The following SDF4 variants were observed in gnomAD, a reference collection of about 807,000 sequenced individuals.
SDF4 encodes the protein 45 kDa calcium-binding protein.
A neutral mutation model predicts 34.2 loss-of-function variants in SDF4; 22 were observed. The observed-to-expected ratio is 0.64, with a 90% CI of 0.46 to 0.92. SDF4 has a LOEUF of 0.92. Ranked by LOEUF, SDF4 falls within the 40% of genes least tolerant of loss-of-function variation. SDF4 has a pLI of 0.00. For missense variants in SDF4, 447 were observed against 499.9 expected (o/e 0.89, Z 1.01); for synonymous variants, 236 against 203.1 (o/e 1.16, Z -1.38).
At position 1,217,504 on chromosome 1, in the gene SDF4, C is replaced by G; in HGVS notation, c.*8G>C. On this transcript the variant is annotated 3_prime_UTR_variant, in exon 7 of 7. Transcript: ENST00000360001. The surrounding 1 kb of genome is among the most constrained non-coding windows in gnomAD (Gnocchi z 8.5). ...GCGTGGGGGGCGGCGCGGGGCGCGG[C>G]CGGGCGCTCAAAACTCCTCGTGCAC... 6.4e-7 allele frequency: 1 copy of G among 1,565,128 alleles called. No homozygotes were observed. Among genetic ancestry groups the G allele is most frequent in the South Asian group, 1.2e-5 (1 of 85,650 alleles).
intron 3 of SDF4, 46 bp downstream of exon 3, chr1:1,223,786 G>GCCCCCCCCC: frequency 8.5e-6 from 5 of 585,240 alleles, no homozygotes; most frequent in South Asian, 2.1e-5. Context: ...CCATGGCCCT[G>GCCCCCCCCC]CCCGCCCCGC....
At position 1,223,360 on chromosome 1, in the gene SDF4, G is replaced by A; in HGVS notation, c.443-3C>T. ...ATACTCGTCCCAAGACACGTGACCT[G>A]GAAGAGCAGATCACACCTGTCAGGG... On this transcript the variant is annotated splice_polypyrimidine_tract_variant and splice_region_variant and intron_variant, in intron 3 of 6. Transcript: ENST00000360001. 1 of 1,600,558 alleles carries A rather than the reference G, an allele frequency of 6.2e-7. No homozygotes were observed. Among genetic ancestry groups the A allele is most frequent in the Non-Finnish European group, 8.5e-7 (1 of 1,170,008 alleles).
rs765508018 is a variant in SDF4, at chr1:1,223,856, G to A, written c.418C>T (p.Arg140Cys). 52 of 1,548,284 alleles carry A rather than the reference G, an allele frequency of 3.4e-5. No homozygotes were observed. Among genetic ancestry groups the A allele is most frequent in the East Asian group, 2.2e-4 (9 of 40,554 alleles). The stretch of plus-strand genomic sequence containing the variant: ...CCGTCCCCGTCAGGGTCCACGGCGC[G>A]GAAGTGTGTCTTGCTCTCCTCCATG... ...EAMEESKTHF[R>C]AVDPDGDGHV... is the part of the protein sequence containing the mutation. Residue 140 changes from arginine to cysteine, a missense_variant, in exon 3 of 7, where the codon CGC (arginine) becomes TGC (cysteine). Arg to Cys is a radical substitution (Grantham distance 180). Coordinates refer to ENST00000360001, the MANE Select transcript of SDF4 (RefSeq NM_016176.6).
rs778838028 is a variant in SDF4 at position 1,218,914 on chromosome 1, C to T, written c.570G>A (p.Leu190=). The change falls in exon 5 of 7, where the codon CTG becomes CTA. Residue 190 remains leucine, a synonymous_variant. Coordinates refer to ENST00000360001, the MANE Select transcript of SDF4 (RefSeq NM_016176.6). The surrounding 1 kb of genome is among the most constrained non-coding windows in gnomAD (Gnocchi z 7.9). ...GGTACCAGCGGTCCTTCAGGTTCTC[C>T]AGGACTTCCTGTGCTGAGAGGGGCG... ...LKVDEETQEV[L]ENLKDRWYQA... The T allele has an allele frequency of 2.1e-5, 33 of 1,604,620 alleles. No homozygotes were observed. Among genetic ancestry groups the T allele is most frequent in the Middle Eastern group, 3.3e-4 (2 of 6,046 alleles).
In SDF4 at chr1:1,220,883, G is replaced by A. The variant is rs376618174; in HGVS notation, c.557-1956C>T. ...CTTAAAGACGCAGTCAGGACAGCAG[G>A]GAACGCGGGACCGGGGTGGAGGCAC... On this transcript the variant is annotated intron_variant, in intron 4 of 6. Coordinates refer to ENST00000360001, the MANE Select transcript of SDF4 (RefSeq NM_016176.6). 3 of 637,396 alleles carry A rather than the reference G, an allele frequency of 4.7e-6. No homozygotes were observed. The Admixed American group carries it at 7.6e-5, about 16-fold the overall frequency. The allele number at this position is 637,396 out of a possible 1,614,324, so 39.5% of individuals were successfully genotyped here.
intron 2 of SDF4, among the ~76,000 whole-genome samples, chr1:1,227,548 G>A (rs1257705676): frequency 6.6e-6 from 1 of 152,194 alleles, no homozygotes; most frequent in Non-Finnish European, 1.5e-5. Flanking sequence ...AGGAGGCCCA[G>A]GGTGTTCTCT....
intron 4 of SDF4, chr1:1,220,699 T>A: frequency 1.6e-6 from 2 of 1,289,188 alleles, no homozygotes; most frequent in Non-Finnish European, 2.0e-6. Flanking sequence ...CACAGAAATG[T>A]CACAGAGCTC....
chr1:1,225,711 C>A (rs1314403913), intron 2 of SDF4, among the ~76,000 whole-genome samples: 1 of 152,012 alleles, frequency 6.6e-6, no homozygotes, highest in Non-Finnish European at 1.5e-5. Context: ...ACAGGCCACA[C>A]GCTCCACACG....
intron 4 of SDF4, chr1:1,221,039 T>C (rs2100972064): frequency 2.9e-6 from 1 of 342,600 alleles, no homozygotes; most frequent in Admixed American, 3.9e-5. Context: ...CAGATCCCTT[T>C]AGCCCAGGAC....
chr1:1,224,768 G>A (rs940755104), intron 2 of SDF4, among the ~76,000 whole-genome samples: 2 of 152,140 alleles, frequency 1.3e-5, no homozygotes, highest in South Asian at 2.1e-4. Flanking sequence ...ACGAAAATTC[G>A]CCAGGCGCGG....
intron 2 of SDF4, among the ~76,000 whole-genome samples, chr1:1,227,889 C>CA (rs1442988059): frequency 2.6e-5 from 4 of 152,118 alleles, no homozygotes; most frequent in African/African-American, 9.7e-5. Flanking sequence ...CAGTGACGGC[C>CA]AAGGATGGGC....
chr1:1,230,967 T>G (rs1638473313), intron 1 of SDF4, among the ~76,000 whole-genome samples: 1 of 152,214 alleles, frequency 6.6e-6, no homozygotes, highest in South Asian at 2.1e-4. Flanking sequence ...AGCTAGTTCT[T>G]GATTCTACAT....
intron 1 of SDF4, among the ~76,000 whole-genome samples, chr1:1,230,126 T>A (rs1638446865): frequency 1.3e-5 from 2 of 152,156 alleles, no homozygotes; most frequent in Admixed American, 6.5e-5. Flanking sequence ...AGTCTGCCCC[T>A]CCGGCAAACA....
intron 4 of SDF4, chr1:1,220,789 G>A: frequency 1.6e-5 from 20 of 1,283,904 alleles, no homozygotes; most frequent in Non-Finnish European, 2.0e-5. Context: ...AATCAGAGTT[G>A]GGGGGCGGGC....
intron 3 of SDF4, 46 bp downstream of exon 3, chr1:1,223,786 G>GGGCCCCCC: frequency 1.7e-6 from 1 of 585,242 alleles, no homozygotes; most frequent in African/African-American, 2.0e-5. Context: ...CCATGGCCCT[G>GGGCCCCCC]CCCGCCCCGC....
intron 2 of SDF4, 92 bp from the exon 3 acceptor site, chr1:1,224,060 C>A: frequency 1.3e-6 from 2 of 1,559,128 alleles, no homozygotes; most frequent in Non-Finnish European, 1.7e-6. Context: ...GACTCCATGG[C>A]TGCGTGAACC....
chr1:1,218,346 G>A lies in SDF4; in HGVS notation c.891+112C>T. 1 of 1,191,522 alleles carries A rather than the reference G, an allele frequency of 8.4e-7. No homozygotes were observed. The highest frequency in any genetic ancestry group is 1.5e-5 in the South Asian group (1 of 67,926). The allele number at this position is 1,191,522 out of a possible 1,614,324, so 73.8% of individuals were successfully genotyped here. The stretch of plus-strand genomic sequence containing the variant: ...CGCCCCAGTGACCAGCCCAGATGGA[G>A]TCTCAGGCCAGACACCAGCACAGCT... On this transcript the variant is annotated intron_variant, in intron 6 of 6. Transcript: ENST00000360001. This position sits in a 1 kb window ranked among gnomAD's most constrained non-coding sequence, Gnocchi z 7.9.
In SDF4 at chr1:1,224,899, C is replaced by T. The variant is rs556573782; in HGVS notation, c.306-931G>A. Among the ~76,000 whole-genome samples, 142 of 152,284 alleles carry T rather than the reference C, an allele frequency of 9.3e-4. 1 individual carries two copies. The highest frequency in any genetic ancestry group is 1.4e-3 in the Non-Finnish European group (92 of 68,026). ...CTGCACTCCAGCCTGGGCGGCATAC[C>T]GAGACCCTGACTCAAAACAAGACAA... On this transcript the variant is annotated intron_variant, in intron 2 of 6. Coordinates refer to ENST00000360001, the MANE Select transcript of SDF4 (RefSeq NM_016176.6).
intron 4 of SDF4, chr1:1,220,902 G>A: frequency 4.0e-6 from 2 of 495,162 alleles, no homozygotes; most frequent in East Asian, 7.1e-5. Context: ...GACCGGGGTG[G>A]AGGCACGAAC....
Sources: gnomAD v4.1 joint callset for allele counts (sites outside exome capture counted in the v4.1 genomes callset) on GRCh38, gnomAD v4.1.1 for gene constraint, Gnocchi (gnomAD v3.1) non-coding constraint, MANE v1.5 for transcripts, NCBI Gene and HGNC (gene_info 2026-07-23, HGNC 2026-07-21) for gene names.